Variants in RPL38 observed in about 807,000 individuals in gnomAD.
RPL38 encodes large ribosomal subunit protein eL38.
Under a neutral mutation model 12.8 loss-of-function variants are expected in RPL38, and 2 were observed. The observed-to-expected ratio is 0.16, with a 90% CI of 0.06 to 0.49. The LOEUF (loss-of-function observed/expected upper bound fraction) is 0.49, where lower values mean the gene tolerates loss of function less well. Ranked by LOEUF, RPL38 falls within the 20% of genes least tolerant of loss-of-function variation. The probability of loss-of-function intolerance (pLI) is 0.96; values close to 1 mark genes in which losing one functional copy is unlikely to be tolerated. For missense variants in RPL38, 52 were observed against 79.8 expected, an observed-to-expected ratio of 0.65 and a Z score of 1.33; for synonymous variants, 42 against 30.1, an observed-to-expected ratio of 1.39 and a Z score of -1.29.
chr17:74,203,999 C>T (rs377202611), intron 2 of RPL38, 41 bp downstream of exon 2: 42 of 1,612,728 alleles, frequency 2.6e-5, no homozygotes, highest in Non-Finnish European at 3.5e-5. Context: ...GGGGTGGGCT[C>T]GTGGGGCCCC....
chr17:74,205,732 G>GGTGGTGGTCCGGGC (rs1341391731), intron 3 of RPL38: 1 of 152,176 alleles, frequency 6.6e-6, no homozygotes, highest in Non-Finnish European at 1.5e-5. Flanking sequence ...GTTTTAAAAG[G>GGTGGTGGTCCGGGC]GTGGTGGTCC....
Position 74,210,201 on chromosome 17 carries a change from T to G in RPL38, c.*372T>G. 5.4e-6 allele frequency: 1 copy of G among 184,728 alleles called. No individual in the cohort carries two copies. Among genetic ancestry groups the G allele is most frequent in the Non-Finnish European group, 1.1e-5 (1 of 88,050 alleles). The allele number at this position is 184,728 out of a possible 1,614,324, so 11.4% of individuals were successfully genotyped here. A position where few individuals can be genotyped will look rare whatever the true frequency, so the allele number is the denominator to read the frequency against. On this transcript the variant is annotated 3_prime_UTR_variant, in exon 5 of 5. Coordinates refer to ENST00000311111, the MANE Select transcript of RPL38 (RefSeq NM_000999.4). ...CAGGGTTTCACTGCCTGCCTCAGCC[T>G]CCCATAGTGCTGGGATTACAGGCAT...
At chr17:74,204,422 G>C (rs567863059) in intron 3 of RPL38, 2 of 554,038 alleles carry the variant, frequency 3.6e-6, no homozygotes, top group South Asian at 4.3e-5. Flanking sequence ...CTCAGAGGCC[G>C]CCCTGAGTTC....
intron 3 of RPL38, chr17:74,205,304 C>CT (rs1324244762): frequency 6.6e-6 from 1 of 152,256 alleles, no homozygotes; most frequent in African/African-American, 2.4e-5. Flanking sequence ...ACCCAGTCAT[C>CT]TTTTTTCAGC....
At chr17:74,206,437 G>T (rs2050114529) in intron 3 of RPL38, among the ~76,000 whole-genome samples, 1 of 152,146 alleles carries the variant, frequency 6.6e-6, no homozygotes, top group Admixed American at 6.5e-5. Flanking sequence ...GTACAGTTCA[G>T]TGGCATTCAG....
In RPL38 at chr17:74,209,961, T is replaced by G; in HGVS notation, c.*132T>G. ...TGATGGGAACAGGACGCGGGTTCTG[T>G]TGCTGCCTTCCTGTGTCTTTTTTTT... On this transcript the variant is annotated 3_prime_UTR_variant, in exon 5 of 5. Coordinates refer to ENST00000311111, the MANE Select transcript of RPL38 (RefSeq NM_000999.4). The G allele has an allele frequency of 1.5e-6, 1 of 654,312 alleles. No homozygotes were observed. Among genetic ancestry groups the G allele is most frequent in the Admixed American group, 2.9e-5 (1 of 35,012 alleles). 40.5% of individuals were successfully genotyped at this position (654,312 alleles called of 1,614,324 possible). A position where few individuals can be genotyped will look rare whatever the true frequency, so the allele number is the denominator to read the frequency against.
chr17:74,203,947 C>G lies in RPL38; in HGVS notation c.-9C>G, dbSNP rs571524344. ...TGGTCCGCGCCAGAGCCCAGCGCGC[C>G]TCGTCGCCATGGTGAGTACAGTCCC... On this transcript the variant is annotated 5_prime_UTR_variant, in exon 2 of 5. Transcript: ENST00000311111. 1.2e-6 allele frequency: 2 copies of G among 1,606,228 alleles called. No individual in the cohort carries two copies. Among genetic ancestry groups the G allele is most frequent in the Middle Eastern group, 1.7e-4 (1 of 6,000 alleles).
intron 3 of RPL38, chr17:74,205,600 G>C (rs974677151): frequency 3.9e-5 from 6 of 152,220 alleles, no homozygotes; most frequent in African/African-American, 1.4e-4. Flanking sequence ...GTAAAGAGAT[G>C]AGGTTATCAG....
chr17:74,209,480 A>G, intron 4 of RPL38, 171 bp downstream of exon 4: 1 of 738,600 alleles, frequency 1.4e-6, no homozygotes, highest in Non-Finnish European at 2.2e-6. Context: ...CTCAGATTAT[A>G]TACAGTACCA....
rs2050137593 is a variant in RPL38, at chr17:74,208,694, G to A, written c.65-493G>A. On this transcript the variant is annotated intron_variant, in intron 3 of 4. Transcript: ENST00000311111. ...CTCATGCCTGGAATCCCAGCACTTT[G>A]GGAGGCCGAGGCCAGCGGATCACGA... 2.0e-5 allele frequency among the ~76,000 whole-genome samples: 3 copies of A among 152,312 alleles called. No homozygotes were observed. In the South Asian group the frequency reaches 6.2e-4, roughly 32 times the overall value.
At chr17:74,204,949 T>A (rs1267357903) in intron 3 of RPL38, 1 of 152,180 alleles carries the variant, frequency 6.6e-6, no homozygotes, top group South Asian at 2.1e-4. Context: ...CCTCCCAGAG[T>A]GCTGGGATTA....
intron 3 of RPL38, 128 bp downstream of exon 3, chr17:74,204,318 C>G: frequency 1.3e-6 from 1 of 761,064 alleles, no homozygotes; most frequent in Admixed American, 2.5e-5. Context: ...CCTCTGGGAG[C>G]AGTGGTTTCA....
At chr17:74,209,351 G>A (rs764971967) in intron 4 of RPL38, 42 bp downstream of exon 4, 3 of 1,604,316 alleles carry the variant, frequency 1.9e-6, no homozygotes, top group Admixed American at 1.7e-5. Flanking sequence ...GTGGGGTTTG[G>A]AAGGTTGCTG....
chr17:74,203,874 G>C, intron 1 of RPL38, 44 bp from the exon 2 acceptor site: 2 of 1,497,374 alleles, frequency 1.3e-6, no homozygotes, highest in Non-Finnish European at 1.8e-6. Context: ...GGGGTTCGCT[G>C]CCAGCCCCCG....
intron 3 of RPL38, chr17:74,205,817 C>G (rs1350346690): frequency 6.6e-6 from 1 of 152,092 alleles, no homozygotes; most frequent in Non-Finnish European, 1.5e-5. Context: ...ACCAGGAGTT[C>G]AAGACCAACC....
intron 3 of RPL38, among the ~76,000 whole-genome samples, chr17:74,208,633 T>C (rs560163329): frequency 6.6e-6 from 1 of 152,260 alleles, no homozygotes; most frequent in Admixed American, 6.5e-5. Context: ...ACTGCTTCTA[T>C]CCCTTTTTAA....
rs1339895102 is a variant in RPL38, at chr17:74,203,743, A to G, written c.-41A>G. The G allele has an allele frequency of 4.9e-6, 3 of 610,826 alleles. No individual in the cohort carries two copies. The highest frequency in any genetic ancestry group is 8.8e-6 in the Non-Finnish European group (3 of 342,036). 37.8% of individuals were successfully genotyped at this position (610,826 alleles called of 1,614,324 possible). On this transcript the variant is annotated splice_region_variant and 5_prime_UTR_variant, in exon 1 of 5. Transcript: ENST00000311111. ...TCTCTAGGGTGATACGTGGGTGAGA[A>G]AGGTAATCTGGGGCAATCCACTGCC...
chr17:74,204,136 A>G lies in RPL38; in HGVS notation c.10A>G (p.Lys4Glu). The G allele has an allele frequency of 6.2e-7, 1 of 1,614,112 alleles. No individual in the cohort carries two copies. The highest frequency in any genetic ancestry group is 8.5e-7 in the Non-Finnish European group (1 of 1,180,018). Residue 4 changes from lysine (K) to glutamate (E), a missense_variant, in exon 3 of 5, where the codon AAA (lysine) becomes GAA (glutamate). Transcript: ENST00000311111. ...CGCTTCCTTTGTGTTGCAGCCTCGG[A>G]AAATTGAGGAAATCAAGGACTTCCT... MPR[K>E]IEEIKDFLLT...
intron 3 of RPL38, chr17:74,205,712 G>C (rs1011713022): frequency 6.6e-6 from 1 of 152,184 alleles, no homozygotes; most frequent in Non-Finnish European, 1.5e-5. Flanking sequence ...CGACACCACC[G>C]TTTGATTGTG....
Sources: allele counts gnomAD v4.1 joint callset (sites outside exome capture counted in the v4.1 genomes callset), GRCh38; gene constraint gnomAD v4.1.1; transcripts MANE v1.5; gene names NCBI Gene and HGNC (gene_info 2026-07-23, HGNC 2026-07-21).